TENM3: variants seen among roughly 807,000 people sequenced by gnomAD.
The protein encoded by TENM3 is teneurin-3.
In TENM3, 63 loss-of-function variants were observed where a neutral mutation model predicts 255.1. The ratio of observed to expected loss-of-function variants is 0.25; its 90% confidence interval spans 0.20 to 0.30. The LOEUF (loss-of-function observed/expected upper bound fraction) is 0.30. Ranked by LOEUF, TENM3 falls within the 10% of genes least tolerant of loss-of-function variation. The pLI, the probability that TENM3 is intolerant of heterozygous loss-of-function variation, is 1.00. For synonymous variants in TENM3, 1,306 were observed against 1,322.3 expected (o/e 0.99, Z 0.27); for missense variants, 2,929 against 3,461.1 (o/e 0.85, Z 3.86).
chr4:181,697,843 C>G, the TENM3 span, among the ~76,000 whole-genome samples: 1 of 152,106 alleles, frequency 6.6e-6, no homozygotes, highest in Non-Finnish European at 1.5e-5. Context: ...TTATTGAATG[C>G]CTACTCTGTG....
chr4:181,534,480 G>GA, the TENM3 span, among the ~76,000 whole-genome samples: 5 of 151,364 alleles, frequency 3.3e-5, no homozygotes, highest in African/African-American at 1.2e-4. Flanking sequence ...CCCCCCCACA[G>GA]AAAAATACCT....
At chr4:182,446,142 C>T (rs1772893811) in intron 3 of TENM3, among the ~76,000 whole-genome samples, 1 of 152,186 alleles carries the variant, frequency 6.6e-6, no homozygotes, top group African/African-American at 2.4e-5. Flanking sequence ...TCTTCCTCTG[C>T]CTTTGCCCCA....
intron 3 of TENM3, among the ~76,000 whole-genome samples, chr4:182,536,116 G>C (rs1656952276): frequency 6.6e-6 from 1 of 152,206 alleles, no homozygotes; most frequent in African/African-American, 2.4e-5. Flanking sequence ...AATTTGCACA[G>C]ATTAACTAGA....
At chr4:181,898,284 A>G in the TENM3 span, among the ~76,000 whole-genome samples, 3 of 151,424 alleles carry the variant, frequency 2.0e-5, no homozygotes, top group Non-Finnish European at 2.9e-5. Flanking sequence ...ACACACACAC[A>G]CCTTTGTGAT....
At chr4:182,390,450 G>A (rs190703239) in intron 3 of TENM3, among the ~76,000 whole-genome samples, 3 of 152,264 alleles carry the variant, frequency 2.0e-5, no homozygotes, top group African/African-American at 7.2e-5. Flanking sequence ...GCTCTTGTTG[G>A]TTTACCTGGT....
At chr4:182,612,448 CAGAA>C (rs1749105406) in intron 4 of TENM3, among the ~76,000 whole-genome samples, 1 of 152,082 alleles carries the variant, frequency 6.6e-6, no homozygotes, top group Non-Finnish European at 1.5e-5. Flanking sequence ...AACCTTCCAA[CAGAA>C]AGACTGAGTA....
intron 5 of TENM3, among the ~76,000 whole-genome samples, chr4:182,647,023 C>A (rs946348161): frequency 2.6e-5 from 4 of 152,122 alleles, no homozygotes; most frequent in Non-Finnish European, 4.4e-5. Context: ...ATTGCTTTTT[C>A]ATCTCTTCTA....
chr4:182,088,919 T>C, the TENM3 span, among the ~76,000 whole-genome samples: 2 of 151,960 alleles, frequency 1.3e-5, no homozygotes, highest in Admixed American at 1.3e-4. Context: ...TGATTTCATG[T>C]GTTGAAATCT....
At chr4:181,460,783 A>G in the TENM3 span, among the ~76,000 whole-genome samples, 6 of 151,354 alleles carry the variant, frequency 4.0e-5, no homozygotes. Context: ...GAAACTTGCA[A>G]CAGTGTAGGT....
In TENM3 at chr4:182,728,849, T is replaced by C. The variant is rs555436112; in HGVS notation, c.2369-116T>C. 16 of 739,784 alleles carry C rather than the reference T, an allele frequency of 2.2e-5. No homozygotes were observed. In the Admixed American group the frequency reaches 2.2e-4, roughly 10 times the overall value. 45.8% of individuals were successfully genotyped at this position (739,784 alleles called of 1,614,324 possible). A position where few individuals can be genotyped will look rare whatever the true frequency, so the allele number is the denominator to read the frequency against. On this transcript the variant is annotated intron_variant, in intron 13 of 27. Coordinates refer to ENST00000511685, the MANE Select transcript of TENM3 (RefSeq NM_001080477.4). Reference sequence around the variant, plus strand: ...ATGCCTCATAGAAATTACTATCAGATAGTCGGGAGAAATCACTTGATGTGA... The same window carrying C: ...ATGCCTCATAGAAATTACTATCAGACAGTCGGGAGAAATCACTTGATGTGA...
At chr4:182,731,416 G>A (rs921576180) in intron 16 of TENM3, among the ~76,000 whole-genome samples, 1 of 151,928 alleles carries the variant, frequency 6.6e-6, no homozygotes, top group African/African-American at 2.4e-5. Context: ...GCTGAGGCAG[G>A]AGAATCGCTT....
At chr4:181,901,887 C>A in the TENM3 span, among the ~76,000 whole-genome samples, 1 of 151,852 alleles carries the variant, frequency 6.6e-6, no homozygotes, top group Non-Finnish European at 1.5e-5. Flanking sequence ...CCCCCCCACC[C>A]AAAAAAACTG....
chr4:181,469,381 G>A, the TENM3 span, among the ~76,000 whole-genome samples: 18 of 152,026 alleles, frequency 1.2e-4, no homozygotes, highest in African/African-American at 4.3e-4. Context: ...AATTATTGTG[G>A]CAATTAAGAA....
At chr4:181,617,579 G>T in the TENM3 span, among the ~76,000 whole-genome samples, 1 of 152,308 alleles carries the variant, frequency 6.6e-6, no homozygotes. Flanking sequence ...AAAGATGCCA[G>T]ACAGGGACTT....
At chr4:182,708,812 A>G (rs1758512764) in intron 12 of TENM3, among the ~76,000 whole-genome samples, 1 of 151,900 alleles carries the variant, frequency 6.6e-6, no homozygotes, top group African/African-American at 2.4e-5. Flanking sequence ...AAAAAAAAAA[A>G]AAGATGTGAG....
chr4:182,047,025 C>G, the TENM3 span, among the ~76,000 whole-genome samples: 1 of 151,892 alleles, frequency 6.6e-6, no homozygotes, highest in Admixed American at 6.5e-5. Flanking sequence ...AGCTTTACCT[C>G]TAGGAAATGT....
intron 3 of TENM3, among the ~76,000 whole-genome samples, chr4:182,555,840 T>G (rs1211171805): frequency 6.6e-6 from 1 of 152,160 alleles, no homozygotes; most frequent in Admixed American, 6.6e-5. Flanking sequence ...TTACTTTTTT[T>G]TTTTCTACGA....
chr4:181,483,602 G>A, the TENM3 span, among the ~76,000 whole-genome samples: 3 of 152,106 alleles, frequency 2.0e-5, no homozygotes, highest in Non-Finnish European at 2.9e-5. Context: ...TCTAATTATA[G>A]ATCGTATTTC....
the TENM3 span, among the ~76,000 whole-genome samples, chr4:181,693,586 A>G: frequency 4.6e-5 from 7 of 152,070 alleles, no homozygotes; most frequent in African/African-American, 1.7e-4. Flanking sequence ...GCGGGAGAAA[A>G]AGAACCTTCA....
Sources: allele counts gnomAD v4.1 joint callset (sites outside exome capture counted in the v4.1 genomes callset), GRCh38; gene constraint gnomAD v4.1.1; transcripts MANE v1.5; gene names NCBI Gene and HGNC (gene_info 2026-07-23, HGNC 2026-07-21).